The following RPS6KB1 variants were observed in gnomAD, a reference collection of about 807,000 sequenced individuals.
RPS6KB1 encodes the protein ribosomal protein S6 kinase B1, also known as ribosomal protein S6 kinase beta-1.
Under a neutral mutation model 70.2 loss-of-function variants are expected in RPS6KB1, and 12 were observed. The observed-to-expected ratio is 0.17, with a 90% CI of 0.11 to 0.28. The LOEUF (loss-of-function observed/expected upper bound fraction) is 0.28, where lower values mean the gene tolerates loss of function less well. RPS6KB1 is among the 10% of genes least tolerant of loss of function. The probability of loss-of-function intolerance (pLI) is 1.00; values close to 1 mark genes in which losing one functional copy is unlikely to be tolerated. For missense variants in RPS6KB1, 270 were observed against 646.6 expected (o/e 0.42, Z 6.32); for synonymous variants, 175 against 211.2 (o/e 0.83, Z 1.49).
At chr17:59,910,653 A>G (rs1213318685) in intron 2 of RPS6KB1, 42 bp downstream of exon 2, 1 of 1,315,288 alleles carries the variant, frequency 7.6e-7, no homozygotes, top group Middle Eastern at 1.8e-4. Flanking sequence ...TGTCTTTCTT[A>G]CAAGTAGGTT....
intron 4 of RPS6KB1, among the ~76,000 whole-genome samples, chr17:59,920,545 T>C (rs962065983): frequency 3.9e-5 from 6 of 152,228 alleles, no homozygotes; most frequent in African/African-American, 1.4e-4. Flanking sequence ...CATCAGTTTC[T>C]TCTTCAGTGG....
chr17:59,901,625 G>GAA (rs58530265), intron 1 of RPS6KB1, among the ~76,000 whole-genome samples: 13 of 79,188 alleles, frequency 1.6e-4, no homozygotes, highest in South Asian at 3.9e-4. Flanking sequence ...CCCTGTCTCT[G>GAA]AAAAAAAAAA....
At chr17:59,900,219 CACACACACACA>C (rs1568377419) in intron 1 of RPS6KB1, among the ~76,000 whole-genome samples, 13 of 138,364 alleles carry the variant, frequency 9.4e-5, no homozygotes, top group South Asian at 4.3e-4. Context: ...CACACACACA[CACACACACACA>C]CCCCTATGTG....
At chr17:59,917,021 C>T (rs1409084330) in intron 4 of RPS6KB1, among the ~76,000 whole-genome samples, 1 of 152,128 alleles carries the variant, frequency 6.6e-6, no homozygotes, top group African/African-American at 2.4e-5. Context: ...GTCGTTTACA[C>T]ATGGCCTATT....
At chr17:59,925,280 A>ATTAC (rs1343365017) in intron 4 of RPS6KB1, among the ~76,000 whole-genome samples, 1 of 151,962 alleles carries the variant, frequency 6.6e-6, no homozygotes, top group Non-Finnish European at 1.5e-5. Context: ...TGCTTTCCAT[A>ATTAC]TTACTTATGG....
intron 14 of RPS6KB1, among the ~76,000 whole-genome samples, chr17:59,945,824 A>G (rs936143666): frequency 2.0e-5 from 3 of 152,230 alleles, no homozygotes; most frequent in African/African-American, 4.8e-5. Context: ...GTGTGTATCT[A>G]TATAGTACTA....
At chr17:59,914,476 G>A (rs1347281298) in intron 3 of RPS6KB1, among the ~76,000 whole-genome samples, 159 bp from the exon 4 acceptor site, 1 of 152,212 alleles carries the variant, frequency 6.6e-6, no homozygotes, top group Non-Finnish European at 1.5e-5. Flanking sequence ...AAACAGGAAA[G>A]TCATGATCAT....
chr17:59,896,573 C>T (rs533576549), intron 1 of RPS6KB1, among the ~76,000 whole-genome samples: 116 of 152,188 alleles, frequency 7.6e-4, no homozygotes, highest in Non-Finnish European at 1.4e-3. Context: ...GTTTCAAGAA[C>T]AGTAGGTGTT....
chr17:59,912,986 A>G (rs895160828), intron 3 of RPS6KB1, among the ~76,000 whole-genome samples, 182 bp downstream of exon 3: 2 of 152,206 alleles, frequency 1.3e-5, no homozygotes, highest in African/African-American at 2.4e-5. Flanking sequence ...TCATACCACC[A>G]CACATGTAAA....
intron 1 of RPS6KB1, among the ~76,000 whole-genome samples, chr17:59,902,817 A>T (rs532946438): frequency 1.3e-3 from 204 of 152,122 alleles, no homozygotes; most frequent in African/African-American, 4.6e-3. Flanking sequence ...GCCTCAAGCA[A>T]TTCTTCTGCC....
At chr17:59,924,845 T>C (rs1038410237) in intron 4 of RPS6KB1, among the ~76,000 whole-genome samples, 24 of 151,780 alleles carry the variant, frequency 1.6e-4, no homozygotes, top group African/African-American at 5.8e-4. Flanking sequence ...ATTTATTTTT[T>C]TGAGACGGAG....
At chr17:59,904,582 T>C (rs1447033113) in intron 1 of RPS6KB1, among the ~76,000 whole-genome samples, 3 of 151,124 alleles carry the variant, frequency 2.0e-5, no homozygotes, top group African/African-American at 7.3e-5. Flanking sequence ...TTAGTAGAGA[T>C]TGGGTTTTGC....
chr17:59,947,563 C>A lies in RPS6KB1; in HGVS notation c.*775C>A. 1 of 1,533,592 alleles carries A rather than the reference C, an allele frequency of 6.5e-7. No homozygotes were observed. The highest frequency in any genetic ancestry group is 2.0e-5 in the Admixed American group (1 of 50,476). 95.0% of individuals were successfully genotyped at this position (1,533,592 alleles called of 1,614,324 possible). A position where few individuals can be genotyped will look rare whatever the true frequency, so the allele number is the denominator to read the frequency against. On this transcript the variant is annotated 3_prime_UTR_variant, in exon 15 of 15. Transcript: ENST00000225577. ...GTAATATGAGAAAAAAAAAATGAAT[C>A]TATTTAATCATTTCTACTTGCAGTA...
chr17:59,943,760 C>G (rs1026536942), intron 13 of RPS6KB1, among the ~76,000 whole-genome samples: 2 of 151,256 alleles, frequency 1.3e-5, no homozygotes, highest in African/African-American at 4.9e-5. Context: ...GTCCCAGCTA[C>G]TCGGGAGGCT....
chr17:59,946,933 G>C lies in RPS6KB1; in HGVS notation c.*145G>C. 6.8e-7 allele frequency: 1 copy of C among 1,474,604 alleles called. No individual in the cohort carries two copies. Among genetic ancestry groups the C allele is most frequent in the Middle Eastern group, 1.9e-4 (1 of 5,386 alleles). 91.3% of individuals were successfully genotyped at this position (1,474,604 alleles called of 1,614,324 possible). ...CACTTCAGACACAGGAAAAATAAAC[G>C]TGGATTTTAAAAAATCAATCAATGG... On this transcript the variant is annotated 3_prime_UTR_variant, in exon 15 of 15. Transcript: ENST00000225577. The surrounding 1 kb of genome is among the most constrained non-coding windows in gnomAD (Gnocchi z 4.2).
At position 59,923,271 on chromosome 17, in the gene RPS6KB1, A is replaced by G. The variant is rs2043389097; in HGVS notation, c.382-3164A>G. ...ACACCAGGCTGCCTCAGCTCACTGC[A>G]ACCTCTGCCTCCCAGGTTCCAGTCA... On this transcript the variant is annotated intron_variant, in intron 4 of 14. Coordinates refer to ENST00000225577, the MANE Select transcript of RPS6KB1 (RefSeq NM_003161.4). Among the ~76,000 whole-genome samples the G allele has an allele frequency of 3.3e-5, 5 of 151,806 alleles. No individual in the cohort carries two copies. The South Asian group carries it at 1.0e-3, about 32-fold the overall frequency.
At chr17:59,912,868 G>C in intron 3 of RPS6KB1, 64 bp downstream of exon 3, 1 of 1,537,642 alleles carries the variant, frequency 6.5e-7, no homozygotes, top group Non-Finnish European at 8.9e-7. Flanking sequence ...TTATGCCCTG[G>C]TTCCAGCAGT....
intron 13 of RPS6KB1, among the ~76,000 whole-genome samples, chr17:59,944,861 C>T (rs1311240655): frequency 1.4e-5 from 2 of 146,674 alleles, no homozygotes; most frequent in African/African-American, 2.5e-5. Context: ...TGCAGTGGTG[C>T]GATCTCTGCT....
chr17:59,905,629 T>A (rs1170586975), intron 1 of RPS6KB1, among the ~76,000 whole-genome samples: 4 of 151,386 alleles, frequency 2.6e-5, no homozygotes, highest in Non-Finnish European at 5.9e-5. Context: ...CTCAGCCTCC[T>A]GAGTAGCTGG....
Sources: allele counts gnomAD v4.1 joint callset (sites outside exome capture counted in the v4.1 genomes callset), GRCh38; gene constraint gnomAD v4.1.1; non-coding constraint Gnocchi (gnomAD v3.1); transcripts MANE v1.5; gene names NCBI Gene and HGNC (gene_info 2026-07-23, HGNC 2026-07-21).